Variants in MTUS2 observed in about 807,000 individuals in gnomAD.
MTUS2 encodes microtubule associated scaffold protein 2, also known as microtubule-associated tumor suppressor candidate 2.
MTUS2 carries 40 observed loss-of-function variants against 114.1 expected under a neutral mutation model. That is an observed-to-expected ratio of 0.35 (90% CI 0.27 to 0.46). The LOEUF (loss-of-function observed/expected upper bound fraction) is 0.46. MTUS2 is among the 20% of genes least tolerant of loss of function. The pLI, the probability that MTUS2 is intolerant of heterozygous loss-of-function variation, is 1.00. For missense variants in MTUS2, 1,679 were observed against 1,705.4 expected, an observed-to-expected ratio of 0.98 and a Z score of 0.27; for synonymous variants, 688 against 672.0, an observed-to-expected ratio of 1.02 and a Z score of -0.37.
intron 8 of MTUS2, among the ~76,000 whole-genome samples, chr13:29,407,352 C>G (rs190108619): frequency 1.4e-4 from 21 of 151,444 alleles, no homozygotes; most frequent in Non-Finnish European, 2.4e-4. Context: ...AAGTTTCTCT[C>G]TAAAGTATAT....
chr13:29,018,812 T>A (rs1886174969), intron 2 of MTUS2, among the ~76,000 whole-genome samples: 1 of 116,358 alleles, frequency 8.6e-6, no homozygotes, highest in Non-Finnish European at 1.6e-5. Flanking sequence ...GAAAAAGAAA[T>A]GTATGTGTAT....
chr13:28,824,195 G>A (rs565860380), intron 1 of MTUS2, among the ~76,000 whole-genome samples: 1 of 151,496 alleles, frequency 6.6e-6, no homozygotes, highest in Admixed American at 6.5e-5. Context: ...CCACACAAAT[G>A]ATAATAGGCC....
chr13:28,927,433 G>T (rs1263831361), intron 2 of MTUS2, among the ~76,000 whole-genome samples: 1 of 152,074 alleles, frequency 6.6e-6, no homozygotes, highest in Non-Finnish European at 1.5e-5. Context: ...AGGCATAGTG[G>T]CATGCACCTG....
At chr13:29,329,523 T>A (rs2138048543) in intron 7 of MTUS2, among the ~76,000 whole-genome samples, 1 of 152,330 alleles carries the variant, frequency 6.6e-6, no homozygotes, top group East Asian at 1.9e-4. Context: ...TCACATTTTC[T>A]TTATCCAGTC....
intron 5 of MTUS2, among the ~76,000 whole-genome samples, chr13:29,157,541 A>G (rs184132376): frequency 4.1e-4 from 62 of 152,294 alleles, no homozygotes; most frequent in African/African-American, 1.3e-3. Flanking sequence ...AAAGAAATGG[A>G]AAGTACCCAG....
At chr13:29,033,009 A>G (rs1886897943) in intron 3 of MTUS2, among the ~76,000 whole-genome samples, 1 of 152,234 alleles carries the variant, frequency 6.6e-6, no homozygotes, top group African/African-American at 2.4e-5. Flanking sequence ...ACAGAATTGC[A>G]TATATAAAAG....
At position 29,227,285 on chromosome 13, in the gene MTUS2, G is replaced by A. The variant is rs1462095927; in HGVS notation, c.2645-54419G>A. Among the ~76,000 whole-genome samples the A allele has an allele frequency of 4.7e-5, 7 of 150,364 alleles. No individual in the cohort carries two copies. In the East Asian group the frequency reaches 7.8e-4, roughly 17 times the overall value. The stretch of plus-strand genomic sequence containing the variant: ...AAAAAAAAAAAAAAAAAGAAACTGC[G>A]TAGAGGCAGCTTCATCCTCAAAAAG... On this transcript the variant is annotated intron_variant, in intron 5 of 15. Coordinates refer to ENST00000612955, the MANE Select transcript of MTUS2 (RefSeq NM_001033602.4).
chr13:29,146,308 A>G (rs1892432046), intron 5 of MTUS2, among the ~76,000 whole-genome samples: 1 of 152,232 alleles, frequency 6.6e-6, no homozygotes, highest in Admixed American at 6.5e-5. Flanking sequence ...GGTTTCTAAT[A>G]CTGATATCTA....
At chr13:29,303,126 G>T (rs1204448558) in intron 6 of MTUS2, among the ~76,000 whole-genome samples, 1 of 152,146 alleles carries the variant, frequency 6.6e-6, no homozygotes, top group Non-Finnish European at 1.5e-5. Flanking sequence ...CAACAAAAAA[G>T]ACCCCACAAA....
chr13:29,407,865 C>T (rs1430614152), intron 8 of MTUS2, among the ~76,000 whole-genome samples: 3 of 152,176 alleles, frequency 2.0e-5, no homozygotes, highest in South Asian at 2.1e-4. Context: ...TCATCAGACC[C>T]TAACTTTTGC....
At chr13:29,145,751 T>C (rs1185806148) in intron 5 of MTUS2, among the ~76,000 whole-genome samples, 1 of 151,634 alleles carries the variant, frequency 6.6e-6, no homozygotes, top group Non-Finnish European at 1.5e-5. Flanking sequence ...TTTCAAAGCA[T>C]TCCACTTCTT....
intron 8 of MTUS2, among the ~76,000 whole-genome samples, chr13:29,385,249 C>T (rs1872555999): frequency 6.6e-6 from 1 of 152,226 alleles, no homozygotes; most frequent in Admixed American, 6.5e-5. Context: ...AAGATCATGT[C>T]TGATTTCATT....
chr13:29,119,939 G>A (rs1267495607), intron 5 of MTUS2, among the ~76,000 whole-genome samples: 1 of 152,124 alleles, frequency 6.6e-6, no homozygotes. Flanking sequence ...TTACAAATCA[G>A]TAAAAAGAAT....
intron 2 of MTUS2, among the ~76,000 whole-genome samples, chr13:28,962,890 C>CT (rs2138218872): frequency 6.6e-6 from 1 of 152,254 alleles, no homozygotes; most frequent in Admixed American, 6.5e-5. Flanking sequence ...GTGGGCCAAG[C>CT]TTGCAGGAGA....
At chr13:29,266,784 T>A (rs896742074) in intron 5 of MTUS2, among the ~76,000 whole-genome samples, 4 of 152,108 alleles carry the variant, frequency 2.6e-5, no homozygotes, top group Non-Finnish European at 5.9e-5. Flanking sequence ...CTGGGACAGA[T>A]TTGCAGCCAG....
intron 7 of MTUS2, chr13:29,339,762 GCCGGGTGCGGACC>G (rs1194966991): frequency 3.0e-5 from 5 of 166,622 alleles, no homozygotes; most frequent in African/African-American, 1.2e-4. Context: ...GTGAGGAGGG[GCCGGGTGCGGACC>G]CAGCGCTTCC....
intron 9 of MTUS2, among the ~76,000 whole-genome samples, chr13:29,449,048 C>T (rs1431335564): frequency 4.6e-5 from 7 of 152,104 alleles, no homozygotes; most frequent in Non-Finnish European, 1.0e-4. Flanking sequence ...GCCACTGTAC[C>T]TGGCCTAAAG....
rs536661707 is a variant in MTUS2, at chr13:28,998,323, A to G, written c.-242-26134A>G. On this transcript the variant is annotated intron_variant, in intron 2 of 15. Coordinates refer to ENST00000612955, the MANE Select transcript of MTUS2 (RefSeq NM_001033602.4). ...TCTTTTCTCTCTGGCTGCCCTTAAC[A>G]TTTGTTCCTTCTTTTCAACTTTGAT... Among the ~76,000 whole-genome samples the G allele has an allele frequency of 2.6e-5, 4 of 152,200 alleles. No individual in the cohort carries two copies. In the South Asian group the frequency reaches 8.3e-4, roughly 32 times the overall value.
At chr13:29,354,867 A>T (rs1420820671) in intron 7 of MTUS2, among the ~76,000 whole-genome samples, 1 of 152,278 alleles carries the variant, frequency 6.6e-6, no homozygotes, top group African/African-American at 2.4e-5. Flanking sequence ...GTCCAAGTCC[A>T]TGAAGAACTC....
Sources: gnomAD v4.1 joint callset for allele counts (sites outside exome capture counted in the v4.1 genomes callset) on GRCh38, gnomAD v4.1.1 for gene constraint, MANE v1.5 for transcripts, NCBI Gene and HGNC (gene_info 2026-07-23, HGNC 2026-07-21) for gene names.